TMEM269: variants seen among roughly 807,000 people sequenced by gnomAD.
The protein encoded by TMEM269 is transmembrane protein 269.
Under a neutral mutation model 15.8 loss-of-function variants are expected in TMEM269, and 12 were observed. That is an observed-to-expected ratio of 0.76 (90% CI 0.49 to 1.23). TMEM269 has a LOEUF of 1.23. Among genes scored for constraint, TMEM269 ranks in the 50% most tolerant of loss-of-function variants. The pLI is 0.00. For synonymous variants in TMEM269, 93 were observed against 99.3 expected (o/e 0.94, Z 0.38); for missense variants, 211 against 245.4 (o/e 0.86, Z 0.94).
At chr1:42,789,746 T>C (rs1355216518) in intron 1 of TMEM269, 50 bp from the exon 2 acceptor site, 4 of 1,051,026 alleles carry the variant, frequency 3.8e-6, no homozygotes, top group Non-Finnish European at 5.8e-6. Context: ...GAGCCTCTTC[T>C]GGGACTCCTT....
At chr1:42,789,383 A>C (rs750980148) in intron 1 of TMEM269, 3 of 1,486,602 alleles carry the variant, frequency 2.0e-6, no homozygotes, top group African/African-American at 1.4e-5. Context: ...TCCTGGCACT[A>C]CTTCTCTCTC....
At chr1:42,785,553 C>A (rs1653525876) in intron 1 of TMEM269, among the ~76,000 whole-genome samples, 1 of 152,166 alleles carries the variant, frequency 6.6e-6, no homozygotes. Context: ...TGCAGTTTGC[C>A]GCCTCCAAGC....
At chr1:42,786,374 C>A (rs1653542729) in intron 1 of TMEM269, among the ~76,000 whole-genome samples, 1 of 152,204 alleles carries the variant, frequency 6.6e-6, no homozygotes, top group Non-Finnish European at 1.5e-5. Flanking sequence ...CACAAGAAGA[C>A]AAGACCATAC....
intron 1 of TMEM269, chr1:42,789,143 G>A (rs1653601935): frequency 9.9e-6 from 4 of 402,698 alleles, no homozygotes; most frequent in East Asian, 4.3e-5. Context: ...GGCTGGTCTC[G>A]AACTCCTGGC....
intron 2 of TMEM269, among the ~76,000 whole-genome samples, chr1:42,792,100 T>C (rs1399409975): frequency 6.6e-6 from 1 of 151,772 alleles, no homozygotes; most frequent in Admixed American, 6.6e-5. Context: ...TTTGAGAAGA[T>C]CAATAAAATC....
chr1:42,790,301 TAAGCA>T (rs1653660738), intron 2 of TMEM269, among the ~76,000 whole-genome samples: 12 of 152,230 alleles, frequency 7.9e-5, no homozygotes, highest in Admixed American at 7.9e-4. Flanking sequence ...CAAAATGTTG[TAAGCA>T]AATTCTATTT....
chr1:42,789,745 C>T lies in TMEM269; in HGVS notation c.-98-51C>T, dbSNP rs1653647298. 3.1e-5 allele frequency: 32 copies of T among 1,045,000 alleles called. No homozygotes were observed. In the South Asian group the frequency reaches 4.3e-4, roughly 14 times the overall value. The allele number at this position is 1,045,000 out of a possible 1,614,324, so 64.7% of individuals were successfully genotyped here. Reference sequence around the variant, plus strand: ...TGGAACAGGTCCCTGGGAGCCTCTTCTGGGACTCCTTAACCTTGGGAACCC... The same window carrying T: ...TGGAACAGGTCCCTGGGAGCCTCTTTTGGGACTCCTTAACCTTGGGAACCC... On this transcript the variant is annotated intron_variant, in intron 1 of 5. Coordinates refer to ENST00000637012, the MANE Select transcript of TMEM269 (RefSeq NM_001354602.2).
At chr1:42,794,764 T>C (rs1205383296) in intron 5 of TMEM269, 151 bp downstream of exon 5, 1 of 652,220 alleles carries the variant, frequency 1.5e-6, no homozygotes, top group Non-Finnish European at 2.7e-6. Context: ...TTTCTTATTG[T>C]CTATAAACAC....
rs540411407 is a variant in TMEM269, at chr1:42,788,922, C to CT, written c.-98-856dup. On this transcript the variant is annotated intron_variant, in intron 1 of 5. Transcript: ENST00000637012. This position sits in a 1 kb window ranked among gnomAD's most constrained non-coding sequence, Gnocchi z 4.0. ...TTTGTGAACTATTCAGTGTTGTACA[C>CT]TTTTTTTTTTTTTTTTTTAGACAGA... is the stretch of plus-strand genomic sequence containing the variant. 0.11 allele frequency among the ~76,000 whole-genome samples: 14,790 copies of CT among 136,848 alleles called. 857 individuals carry two copies. The highest frequency in any genetic ancestry group is 0.24 in the East Asian group (1,116 of 4,710). The allele number at this position is 136,848 out of a possible 152,430, so 89.8% of individuals were successfully genotyped here.
Position 42,797,882 on chromosome 1 carries a change from T to C in TMEM269, c.485-216T>C. The stretch of plus-strand genomic sequence containing the variant: ...AACTTCTGATGTGAATTTGACACAG[T>C]GGAACCTGAGACTGCATTGGGCTAT... On this transcript the variant is annotated intron_variant, in intron 5 of 5. Coordinates refer to ENST00000637012, the MANE Select transcript of TMEM269 (RefSeq NM_001354602.2). This position sits in a 1 kb window ranked among gnomAD's most constrained non-coding sequence, Gnocchi z 4.9. 1.5e-6 allele frequency: 1 copy of C among 679,060 alleles called. No individual in the cohort carries two copies. 42.1% of individuals were successfully genotyped at this position (679,060 alleles called of 1,614,324 possible). A position where few individuals can be genotyped will look rare whatever the true frequency, so the allele number is the denominator to read the frequency against.
chr1:42,789,370 G>A, intron 1 of TMEM269: 1 of 1,416,796 alleles, frequency 7.1e-7, no homozygotes, highest in Non-Finnish European at 9.6e-7. Context: ...GGACAACAGG[G>A]CTTCCTGGCA....
chr1:42,799,701 G>GT lies in TMEM269; in HGVS notation c.*1477dup, dbSNP rs1354235303. On this transcript the variant is annotated 3_prime_UTR_variant, in exon 6 of 6. Transcript: ENST00000637012. The stretch of plus-strand genomic sequence containing the variant: ...TTACATACAAGGTTTCTATAATGTG[G>GT]TAAGAATTTTACAAATATACACGAG... The GT allele has an allele frequency of 2.1e-4, 32 of 152,260 alleles. No homozygotes were observed. The highest frequency in any genetic ancestry group is 7.0e-4 in the African/African-American group (29 of 41,532). The allele number at this position is 152,260 out of a possible 1,614,324, so 9.4% of individuals were successfully genotyped here.
rs1653833615 is a variant in TMEM269 at position 42,798,731 on chromosome 1, G to GGTTT, written c.*507_*510dup. ...AGGATTTTGTAACTTCAACATTCTG[G>GGTTT]GTTTTTTTTTTTTTTTTTTTTTTTT... is the stretch of plus-strand genomic sequence containing the variant. On this transcript the variant is annotated 3_prime_UTR_variant, in exon 6 of 6. Coordinates refer to ENST00000637012, the MANE Select transcript of TMEM269 (RefSeq NM_001354602.2). The GGTTT allele has an allele frequency of 8.9e-6, 1 of 112,338 alleles. No homozygotes were observed. Among genetic ancestry groups the GGTTT allele is most frequent in the Non-Finnish European group, 2.0e-5 (1 of 48,838 alleles). The allele number at this position is 112,338 out of a possible 1,614,324, so 7.0% of individuals were successfully genotyped here.
At chr1:42,786,987 A>C (rs1653553766) in intron 1 of TMEM269, among the ~76,000 whole-genome samples, 1 of 152,206 alleles carries the variant, frequency 6.6e-6, no homozygotes, top group Non-Finnish European at 1.5e-5. Context: ...AACTCTCCTG[A>C]AACCTCAGTT....
intron 2 of TMEM269, among the ~76,000 whole-genome samples, chr1:42,790,812 C>G (rs1418343955): frequency 6.6e-6 from 1 of 152,100 alleles, no homozygotes; most frequent in Non-Finnish European, 1.5e-5. Context: ...TTTTATTTAA[C>G]TTCAGTCCCC....
In TMEM269 at chr1:42,788,486, T is replaced by C. The variant is rs1653584736; in HGVS notation, c.-98-1310T>C. Reference sequence around the variant, plus strand: ...TTGAGTGTAAGGTGTACAAATGTGGTCTTAGAGTAAAAACAGAGACAAGAC... The same window carrying C: ...TTGAGTGTAAGGTGTACAAATGTGGCCTTAGAGTAAAAACAGAGACAAGAC... On this transcript the variant is annotated intron_variant, in intron 1 of 5. Coordinates refer to ENST00000637012, the MANE Select transcript of TMEM269 (RefSeq NM_001354602.2). This position sits in a 1 kb window ranked among gnomAD's most constrained non-coding sequence, Gnocchi z 4.0. 6.6e-6 allele frequency among the ~76,000 whole-genome samples: 1 copy of C among 151,970 alleles called. No individual in the cohort carries two copies. Among genetic ancestry groups the C allele is most frequent in the African/African-American group, 2.4e-5 (1 of 41,374 alleles).
rs1303118824 is a variant in TMEM269, at chr1:42,789,850, A to G, written c.-44A>G. The G allele has an allele frequency of 1.3e-6, 2 of 1,550,648 alleles. No individual in the cohort carries two copies. The highest frequency in any genetic ancestry group is 2.4e-5 in the South Asian group (2 of 84,060). On this transcript the variant is annotated 5_prime_UTR_variant, in exon 2 of 6. Transcript: ENST00000637012. ...GACCAGAGCCATTCCCAGATAAATG[A>G]GGTTTCCTGGAAGGATGTTACCAGT...
intron 5 of TMEM269, among the ~76,000 whole-genome samples, chr1:42,795,614 C>G (rs1653778399): frequency 6.6e-6 from 1 of 152,178 alleles, no homozygotes. Context: ...ATGGATGACT[C>G]TTAGGGTTGG....
chr1:42,793,072 C>T (rs988056963), intron 3 of TMEM269, among the ~76,000 whole-genome samples, 170 bp downstream of exon 3: 10 of 152,152 alleles, frequency 6.6e-5, no homozygotes, highest in Admixed American at 1.3e-4. Flanking sequence ...TCAGGAGCCC[C>T]GCGGTCCAGC....
Sources: gnomAD v4.1 joint callset for allele counts (sites outside exome capture counted in the v4.1 genomes callset) on GRCh38, gnomAD v4.1.1 for gene constraint, Gnocchi (gnomAD v3.1) non-coding constraint, MANE v1.5 for transcripts, NCBI Gene and HGNC (gene_info 2026-07-23, HGNC 2026-07-21) for gene names.